Variants in CSMD1 observed in about 807,000 individuals in gnomAD.
CSMD1 encodes the protein CUB and Sushi multiple domains 1, also known as CUB and sushi domain-containing protein 1.
In CSMD1, 213 loss-of-function variants were observed where a neutral mutation model predicts 417.5. That is an observed-to-expected ratio of 0.51 (90% CI 0.46 to 0.57). CSMD1 has a LOEUF of 0.57. Among genes scored for constraint, CSMD1 ranks in the 20% least tolerant of loss-of-function variants. The pLI, the probability that CSMD1 is intolerant of heterozygous loss-of-function variation, is 0.00. For missense variants in CSMD1, 6,923 were observed against 4,529.7 expected (o/e 1.53, Z -15.17); for synonymous variants, 2,862 against 1,736.8 (o/e 1.65, Z -16.11).
rs142984970 is a variant in CSMD1, at chr8:3,476,589, G to C, written c.1449-7765C>G. ...GGTTACACAGAACATACATCCATTG[G>C]TGTGACATTCTCACACCCCAAAATT... is the stretch of plus-strand genomic sequence containing the variant. On this transcript the variant is annotated intron_variant, in intron 11 of 69. Coordinates refer to ENST00000635120, the MANE Select transcript of CSMD1 (RefSeq NM_033225.6). Among the ~76,000 whole-genome samples, 136 of 152,144 alleles carry C rather than the reference G, an allele frequency of 8.9e-4. 1 individual carries two copies. The highest frequency in any genetic ancestry group is 4.5e-3 in the Admixed American group (68 of 15,274).
chr8:4,400,766 T>C (rs1370839456), intron 3 of CSMD1, among the ~76,000 whole-genome samples: 8 of 151,912 alleles, frequency 5.3e-5, no homozygotes, highest in Non-Finnish European at 1.2e-4. Flanking sequence ...GATCAGTTTT[T>C]TTTTTTTTTT....
At chr8:4,948,088 T>G (rs1808487599) in intron 1 of CSMD1, among the ~76,000 whole-genome samples, 1 of 152,100 alleles carries the variant, frequency 6.6e-6, no homozygotes, top group African/African-American at 2.4e-5. Flanking sequence ...ATTAATTTTT[T>G]TTTAAGTGCC....
Position 4,407,248 on chromosome 8 carries a change from A to G in CSMD1, c.415+12705T>C, listed in dbSNP as rs893928384. On this transcript the variant is annotated intron_variant, in intron 3 of 69. Coordinates refer to ENST00000635120, the MANE Select transcript of CSMD1 (RefSeq NM_033225.6). ...TTCTATGCCACAGGATGTCAATGGA[A>G]TGTTTAAAAAATGACCTTAACTTTT... 3.3e-5 allele frequency among the ~76,000 whole-genome samples: 5 copies of G among 152,218 alleles called. No individual in the cohort carries two copies. In the South Asian group the frequency reaches 8.3e-4, roughly 25 times the overall value.
intron 3 of CSMD1, among the ~76,000 whole-genome samples, chr8:4,333,509 C>G (rs1474038124): frequency 3.3e-5 from 5 of 152,174 alleles, no homozygotes; most frequent in Admixed American, 3.3e-4. Context: ...CAGCACTACT[C>G]TCATTTCATA....
At chr8:4,330,302 T>G (rs1799796858) in intron 3 of CSMD1, among the ~76,000 whole-genome samples, 1 of 151,134 alleles carries the variant, frequency 6.6e-6, no homozygotes, top group Non-Finnish European at 1.5e-5. Flanking sequence ...TATTGTCAAT[T>G]TAATATTTTG....
At chr8:3,882,327 T>G (rs1013092903) in intron 5 of CSMD1, among the ~76,000 whole-genome samples, 3 of 152,292 alleles carry the variant, frequency 2.0e-5, no homozygotes, top group Admixed American at 2.0e-4. Context: ...GTCAGATAAA[T>G]TCAAATAAAA....
chr8:3,395,977 C>T (rs1413972789), intron 17 of CSMD1, among the ~76,000 whole-genome samples: 25 of 152,178 alleles, frequency 1.6e-4, no homozygotes, highest in African/African-American at 4.8e-4. Context: ...TTGTCATACG[C>T]GATGGATACG....
chr8:4,937,011 G>A (rs964266010), intron 1 of CSMD1, among the ~76,000 whole-genome samples: 27 of 152,114 alleles, frequency 1.8e-4, no homozygotes, highest in Non-Finnish European at 1.5e-5. Context: ...AGGAATTGGA[G>A]ACCAGCCTGG....
chr8:4,959,843 G>C (rs962107032), intron 1 of CSMD1, among the ~76,000 whole-genome samples: 1 of 152,180 alleles, frequency 6.6e-6, no homozygotes, highest in Non-Finnish European at 1.5e-5. Context: ...CCATTTAACA[G>C]TCTCTGTGAA....
At chr8:3,126,819 G>T (rs139322712) in intron 41 of CSMD1, among the ~76,000 whole-genome samples, 24 of 152,262 alleles carry the variant, frequency 1.6e-4, no homozygotes, top group African/African-American at 5.5e-4. Flanking sequence ...GAGACTACAG[G>T]CTTATACATC....
chr8:3,004,052 T>C (rs890129150), intron 52 of CSMD1, among the ~76,000 whole-genome samples: 2 of 152,132 alleles, frequency 1.3e-5, no homozygotes, highest in Non-Finnish European at 2.9e-5. Flanking sequence ...GTATGCACAG[T>C]AGCAAAGGAG....
At position 2,935,647 on chromosome 8, in the gene CSMD1, C is replaced by T. The variant is rs1001730425; in HGVS notation, c.*2938G>A. 1 of 151,838 alleles carries T rather than the reference C, an allele frequency of 6.6e-6. No individual in the cohort carries two copies. The highest frequency in any genetic ancestry group is 1.5e-5 in the Non-Finnish European group (1 of 67,948). 9.4% of individuals were successfully genotyped at this position (151,838 alleles called of 1,614,324 possible). A position where few individuals can be genotyped will look rare whatever the true frequency, so the allele number is the denominator to read the frequency against. On this transcript the variant is annotated 3_prime_UTR_variant, in exon 70 of 70. Transcript: ENST00000635120. ...AATTACAGCATATTTAATAATTTTA[C>T]AAATTCTTCATAAAAAATATATCTC...
intron 1 of CSMD1, among the ~76,000 whole-genome samples, chr8:4,702,281 C>G (rs1807611699): frequency 6.6e-6 from 1 of 152,118 alleles, no homozygotes; most frequent in Admixed American, 6.5e-5. Flanking sequence ...AAAAAATCAA[C>G]AGGTTGCCTT....
intron 1 of CSMD1, among the ~76,000 whole-genome samples, chr8:4,680,252 A>T (rs1322079626): frequency 1.3e-5 from 2 of 152,180 alleles, no homozygotes; most frequent in African/African-American, 4.8e-5. Context: ...TGATTTTCAA[A>T]AATACATGTT....
chr8:4,426,609 A>G (rs886500949), intron 2 of CSMD1, among the ~76,000 whole-genome samples: 5 of 84,816 alleles, frequency 5.9e-5, no homozygotes, highest in African/African-American at 2.5e-4. Context: ...TATACTATAA[A>G]TTATATTGTT....
At chr8:4,393,605 G>C (rs1434401169) in intron 3 of CSMD1, among the ~76,000 whole-genome samples, 3 of 152,118 alleles carry the variant, frequency 2.0e-5, no homozygotes, top group Non-Finnish European at 2.9e-5. Flanking sequence ...AATGAGTTTG[G>C]TAAAGTGTCA....
chr8:4,572,087 C>T (rs928833698), intron 2 of CSMD1, among the ~76,000 whole-genome samples: 10 of 152,294 alleles, frequency 6.6e-5, no homozygotes, highest in African/African-American at 2.2e-4. Context: ...CAGTCTGTGT[C>T]TTTTAATTGG....
intron 25 of CSMD1, among the ~76,000 whole-genome samples, chr8:3,305,742 C>A (rs559392151): frequency 1.8e-4 from 27 of 152,274 alleles, no homozygotes; most frequent in African/African-American, 5.8e-4. Flanking sequence ...TACAGTGGCA[C>A]GATCTCAGCT....
intron 21 of CSMD1, among the ~76,000 whole-genome samples, chr8:3,354,875 A>ATATCTATAGATATGTCTACCTATAGATC (rs1808648837): frequency 2.8e-5 from 2 of 71,522 alleles, no homozygotes; most frequent in Non-Finnish European, 5.5e-5. Flanking sequence ...AGATATACAT[A>ATATCTATAGATATGTCTACCTATAGATC]TATCTATAGA....
Sources: allele counts gnomAD v4.1 joint callset (sites outside exome capture counted in the v4.1 genomes callset), GRCh38; gene constraint gnomAD v4.1.1; transcripts MANE v1.5; gene names NCBI Gene and HGNC (gene_info 2026-07-23, HGNC 2026-07-21).